RAB5A: variants seen among roughly 807,000 people sequenced by gnomAD.
RAB5A encodes the protein RAB5A, member RAS oncogene family.
Under a neutral mutation model 25.7 loss-of-function variants are expected in RAB5A, and 8 were observed. That is an observed-to-expected ratio of 0.31 (90% CI 0.18 to 0.56). RAB5A has a LOEUF of 0.56. Among genes scored for constraint, RAB5A ranks in the 20% least tolerant of loss-of-function variants. The pLI is 0.91. For missense variants in RAB5A, 192 were observed against 259.7 expected, an observed-to-expected ratio of 0.74 and a Z score of 1.79; for synonymous variants, 98 against 89.8, an observed-to-expected ratio of 1.09 and a Z score of -0.52.
intron 2 of RAB5A, among the ~76,000 whole-genome samples, chr3:19,961,415 CATAGTT>C (rs1245688610): frequency 6.6e-6 from 1 of 151,508 alleles, no homozygotes; most frequent in East Asian, 1.9e-4. Flanking sequence ...AAATTTGGCT[CATAGTT>C]AGAGTACACA....
At chr3:19,971,883 C>T (rs1215401013) in intron 2 of RAB5A, among the ~76,000 whole-genome samples, 2 of 152,174 alleles carry the variant, frequency 1.3e-5, no homozygotes, top group Non-Finnish European at 2.9e-5. Flanking sequence ...TGGGAGCTGC[C>T]TCTCTCTACA....
At chr3:19,962,346 G>A (rs1042171627) in intron 2 of RAB5A, among the ~76,000 whole-genome samples, 28 of 152,298 alleles carry the variant, frequency 1.8e-4, no homozygotes, top group Middle Eastern at 3.4e-3. Flanking sequence ...GAGGTGGGCA[G>A]ATCACGAGGA....
intron 2 of RAB5A, among the ~76,000 whole-genome samples, chr3:19,951,788 C>T (rs751975119): frequency 6.7e-6 from 1 of 149,314 alleles, no homozygotes; most frequent in Non-Finnish European, 1.5e-5. Flanking sequence ...CCTCCAGCCT[C>T]AACCTCCCAG....
chr3:19,981,140 A>G (rs1255038725), intron 5 of RAB5A, among the ~76,000 whole-genome samples: 1 of 152,172 alleles, frequency 6.6e-6, no homozygotes, highest in East Asian at 1.9e-4. Flanking sequence ...CCTCCCCTCA[A>G]AAAATGAATT....
intron 2 of RAB5A, 124 bp downstream of exon 2, chr3:19,951,185 C>A: frequency 9.0e-7 from 1 of 1,108,286 alleles, no homozygotes; most frequent in Non-Finnish European, 1.3e-6. Flanking sequence ...AAGAGCTGTT[C>A]AGCTTACCTT....
At chr3:19,975,016 A>G (rs1696802629) in intron 2 of RAB5A, among the ~76,000 whole-genome samples, 1 of 152,210 alleles carries the variant, frequency 6.6e-6, no homozygotes, top group African/African-American at 2.4e-5. Context: ...ACCTGAGATC[A>G]GGAGTTCGAG....
chr3:19,975,485 T>A (rs1696811221), intron 2 of RAB5A, 116 bp from the exon 3 acceptor site: 1 of 942,220 alleles, frequency 1.1e-6, no homozygotes, highest in South Asian at 2.0e-5. Context: ...ATAATAGTTG[T>A]ACATACTTAC....
intron 2 of RAB5A, among the ~76,000 whole-genome samples, chr3:19,968,333 A>T (rs537220645): frequency 2.0e-5 from 3 of 152,264 alleles, no homozygotes; most frequent in Admixed American, 2.0e-4. Context: ...TACTACCGAA[A>T]ATTGAAAAAA....
intron 2 of RAB5A, among the ~76,000 whole-genome samples, chr3:19,971,664 G>A (rs1413777717): frequency 2.6e-5 from 4 of 152,060 alleles, no homozygotes; most frequent in South Asian, 4.1e-4. Flanking sequence ...TAGTAGAGAC[G>A]AGGTTTCGCC....
intron 2 of RAB5A, among the ~76,000 whole-genome samples, chr3:19,974,182 CAG>C (rs1256666213): frequency 6.7e-6 from 1 of 148,256 alleles, no homozygotes; most frequent in East Asian, 2.0e-4. Flanking sequence ...TTTTTTGAGA[CAG>C]AGTCTCTGTT....
intron 4 of RAB5A, among the ~76,000 whole-genome samples, chr3:19,976,552 G>T (rs1343192338): frequency 1.3e-5 from 2 of 152,206 alleles, no homozygotes; most frequent in Admixed American, 6.5e-5. Flanking sequence ...GGAGATGGTA[G>T]TGCATGCCTG....
chr3:19,963,028 C>G (rs1202277750), intron 2 of RAB5A, among the ~76,000 whole-genome samples: 1 of 152,104 alleles, frequency 6.6e-6, no homozygotes, highest in Non-Finnish European at 1.5e-5. Context: ...AGGGTAGTCT[C>G]AAACTCCTGG....
chr3:19,983,089 C>A (rs1448932348), intron 5 of RAB5A, among the ~76,000 whole-genome samples: 2 of 152,048 alleles, frequency 1.3e-5, no homozygotes, highest in Non-Finnish European at 2.9e-5. Flanking sequence ...ATAATCCCAA[C>A]ACTTTGGGAG....
At chr3:19,953,278 A>G (rs1271791674) in intron 2 of RAB5A, among the ~76,000 whole-genome samples, 3 of 152,310 alleles carry the variant, frequency 2.0e-5, no homozygotes, top group South Asian at 2.1e-4. Context: ...GTGTATCTCT[A>G]TATAATCTCC....
chr3:19,953,961 A>G (rs1696462144), intron 2 of RAB5A, among the ~76,000 whole-genome samples: 3 of 152,224 alleles, frequency 2.0e-5, no homozygotes. Flanking sequence ...TTTGACTGTC[A>G]TGTGGTAGAA....
At chr3:19,976,290 A>T (rs1357623673) in intron 4 of RAB5A, 121 bp downstream of exon 4, 3 of 1,136,348 alleles carry the variant, frequency 2.6e-6, no homozygotes. Context: ...ACTGATTTTT[A>T]AAACAAATAT....
chr3:19,954,431 C>A (rs1696469539), intron 2 of RAB5A, among the ~76,000 whole-genome samples: 1 of 152,220 alleles, frequency 6.6e-6, no homozygotes, highest in Non-Finnish European at 1.5e-5. Context: ...TCATATGTTA[C>A]ACTCTTGATT....
intron 2 of RAB5A, among the ~76,000 whole-genome samples, chr3:19,973,531 C>G (rs969673733): frequency 6.6e-6 from 1 of 151,782 alleles, no homozygotes; most frequent in Admixed American, 6.6e-5. Flanking sequence ...TTTTTTGATC[C>G]TACAGGAGAA....
intron 1 of RAB5A, among the ~76,000 whole-genome samples, chr3:19,948,713 AAAAGTC>A (rs1696373646): frequency 1.3e-5 from 2 of 152,058 alleles, no homozygotes; most frequent in Non-Finnish European, 2.9e-5. Flanking sequence ...TTTAAACCTT[AAAAGTC>A]AAAGTGAAAT....
Sources: gnomAD v4.1 joint callset for allele counts (sites outside exome capture counted in the v4.1 genomes callset) on GRCh38, gnomAD v4.1.1 for gene constraint, MANE v1.5 for transcripts, NCBI Gene and HGNC (gene_info 2026-07-23, HGNC 2026-07-21) for gene names.